The following EPC2 variants were observed in gnomAD, a reference collection of about 807,000 sequenced individuals.
EPC2 encodes enhancer of polycomb 2.
EPC2 carries 14 observed loss-of-function variants against 92.1 expected under a neutral mutation model. The ratio of observed to expected loss-of-function variants is 0.15; its 90% confidence interval spans 0.10 to 0.24. The LOEUF (loss-of-function observed/expected upper bound fraction) is 0.24, where lower values mean the gene tolerates loss of function less well. Ranked by LOEUF, EPC2 falls within the 10% of genes least tolerant of loss-of-function variation. EPC2 has a pLI of 1.00. For synonymous variants in EPC2, 340 were observed against 334.7 expected, an observed-to-expected ratio of 1.02 and a Z score of -0.17; for missense variants, 755 against 971.5, an observed-to-expected ratio of 0.78 and a Z score of 2.96.
At chr2:148,764,884 G>C in intron 6 of EPC2, 71 bp from the exon 7 acceptor site, 2 of 1,166,630 alleles carry the variant, frequency 1.7e-6, no homozygotes, top group Admixed American at 7.7e-5. Flanking sequence ...TCAAAGAGCA[G>C]TATAGTTTTT....
At chr2:148,673,770 G>C (rs1382779327) in intron 1 of EPC2, among the ~76,000 whole-genome samples, 1 of 152,000 alleles carries the variant, frequency 6.6e-6, no homozygotes, top group Admixed American at 6.6e-5. Context: ...ATTTTCAGTG[G>C]AGATGGGGTT....
intron 1 of EPC2, among the ~76,000 whole-genome samples, chr2:148,658,878 A>G (rs1044043764): frequency 1.3e-5 from 2 of 151,960 alleles, no homozygotes; most frequent in Non-Finnish European, 2.9e-5. Context: ...TAAAAGATAT[A>G]TATGTATATC....
At chr2:148,695,323 A>G (rs1681723610) in intron 2 of EPC2, among the ~76,000 whole-genome samples, 1 of 152,222 alleles carries the variant, frequency 6.6e-6, no homozygotes, top group African/African-American at 2.4e-5. Flanking sequence ...CTCAAAGGGA[A>G]TTGAAATGTA....
intron 5 of EPC2, chr2:148,762,223 A>T: frequency 4.9e-6 from 1 of 203,538 alleles, no homozygotes; most frequent in Non-Finnish European, 9.7e-6. Context: ...CATATTGTTT[A>T]CTTCTCTGTA....
At chr2:148,698,142 G>A (rs1681790601) in intron 2 of EPC2, among the ~76,000 whole-genome samples, 1 of 152,146 alleles carries the variant, frequency 6.6e-6, no homozygotes, top group Admixed American at 6.5e-5. Context: ...CAGCCTCTAT[G>A]ATGATGATGT....
chr2:148,744,447 T>G (rs775651869), intron 3 of EPC2, among the ~76,000 whole-genome samples: 2 of 152,134 alleles, frequency 1.3e-5, no homozygotes, highest in Non-Finnish European at 1.5e-5. Flanking sequence ...GGCATTAAAA[T>G]CATGATTTTG....
chr2:148,723,657 T>C (rs116781852), intron 2 of EPC2, among the ~76,000 whole-genome samples: 1 of 152,236 alleles, frequency 6.6e-6, no homozygotes, highest in Admixed American at 6.5e-5. Context: ...AAGTTTCTTC[T>C]AAGTTTCTTA....
intron 4 of EPC2, among the ~76,000 whole-genome samples, chr2:148,756,353 T>A (rs1228081513): frequency 6.6e-6 from 1 of 152,222 alleles, no homozygotes; most frequent in Admixed American, 6.5e-5. Context: ...TTTATGTGAT[T>A]TGAAACGAGA....
chr2:148,751,695 G>T lies in EPC2; in HGVS notation c.460-2232G>T, dbSNP rs552652501. Reference sequence around the variant, plus strand: ...ATAAAAATAGTAAAGTTCTGATTTTGCAGATTTTTAATCATGTGACTTAAT... The same window carrying T: ...ATAAAAATAGTAAAGTTCTGATTTTTCAGATTTTTAATCATGTGACTTAAT... On this transcript the variant is annotated intron_variant, in intron 3 of 13. Coordinates refer to ENST00000258484, the MANE Select transcript of EPC2 (RefSeq NM_015630.4). 2.0e-3 allele frequency among the ~76,000 whole-genome samples: 305 copies of T among 152,098 alleles called. 3 individuals are homozygous for T. Among genetic ancestry groups the T allele is most frequent in the African/African-American group, 6.7e-3 (278 of 41,512 alleles).
intron 3 of EPC2, among the ~76,000 whole-genome samples, chr2:148,749,913 C>A (rs1683055992): frequency 6.6e-6 from 1 of 151,916 alleles, no homozygotes; most frequent in Non-Finnish European, 1.5e-5. Flanking sequence ...AAAGTGTTGT[C>A]CTATCCAGAT....
chr2:148,734,616 T>A (rs563801248), intron 2 of EPC2, among the ~76,000 whole-genome samples: 2 of 152,226 alleles, frequency 1.3e-5, no homozygotes, highest in South Asian at 4.1e-4. Context: ...ACACATACTT[T>A]GTAGGGGGCA....
At chr2:148,685,740 C>G (rs1241680206) in intron 1 of EPC2, among the ~76,000 whole-genome samples, 1 of 152,156 alleles carries the variant, frequency 6.6e-6, no homozygotes, top group Non-Finnish European at 1.5e-5. Context: ...GCACTCTAGC[C>G]TGGGCGACAG....
chr2:148,660,262 A>G (rs895914951), intron 1 of EPC2, among the ~76,000 whole-genome samples: 1 of 152,140 alleles, frequency 6.6e-6, no homozygotes, highest in African/African-American at 2.4e-5. Context: ...TTCAGGAAAG[A>G]ATTTCTTTAG....
chr2:148,696,724 C>T (rs1171309242), intron 2 of EPC2, among the ~76,000 whole-genome samples: 4 of 152,142 alleles, frequency 2.6e-5, no homozygotes, highest in Non-Finnish European at 5.9e-5. Context: ...AAAGATAGGC[C>T]TTCAGCATAT....
chr2:148,703,755 A>G (rs1681934447), intron 2 of EPC2, among the ~76,000 whole-genome samples: 1 of 152,112 alleles, frequency 6.6e-6, no homozygotes, highest in Non-Finnish European at 1.5e-5. Context: ...GGTCTCAAAC[A>G]CCTTGGCTCA....
At chr2:148,713,980 G>A (rs1349253484) in intron 2 of EPC2, among the ~76,000 whole-genome samples, 1 of 152,088 alleles carries the variant, frequency 6.6e-6, no homozygotes, top group Non-Finnish European at 1.5e-5. Context: ...ATGGTGATTA[G>A]CTGCACAGAT....
intron 3 of EPC2, 147 bp from the exon 4 acceptor site, chr2:148,753,779 AG>A (rs1279731545): frequency 1.6e-6 from 1 of 609,348 alleles, no homozygotes; most frequent in African/African-American, 1.8e-5. Context: ...TTCCTTCATT[AG>A]GTTGAATTGA....
At chr2:148,718,233 C>T (rs1436236282) in intron 2 of EPC2, among the ~76,000 whole-genome samples, 1 of 152,068 alleles carries the variant, frequency 6.6e-6, no homozygotes. Context: ...GGCAGTTAGC[C>T]CATTTACATT....
chr2:148,730,988 T>G (rs1273019238), intron 2 of EPC2, among the ~76,000 whole-genome samples: 1 of 152,226 alleles, frequency 6.6e-6, no homozygotes, highest in Non-Finnish European at 1.5e-5. Flanking sequence ...CCAGTCTTGT[T>G]TTTGATAATT....
Sources: allele counts gnomAD v4.1 joint callset (sites outside exome capture counted in the v4.1 genomes callset), GRCh38; gene constraint gnomAD v4.1.1; transcripts MANE v1.5; gene names NCBI Gene and HGNC (gene_info 2026-07-23, HGNC 2026-07-21).